Variants in SLMAP observed in about 807,000 individuals in gnomAD.
SLMAP encodes sarcolemmal membrane-associated protein.
SLMAP carries 44 observed loss-of-function variants against 128.8 expected under a neutral mutation model. The ratio of observed to expected loss-of-function variants is 0.34; its 90% CI spans 0.27 to 0.44. The LOEUF (loss-of-function observed/expected upper bound fraction) is 0.44, where lower values mean the gene tolerates loss of function less well. Among genes scored for constraint, SLMAP ranks in the 20% least tolerant of loss-of-function variants. SLMAP has a pLI of 1.00. For synonymous variants in SLMAP, 327 were observed against 348.8 expected (o/e 0.94, Z 0.70); for missense variants, 787 against 985.3 (o/e 0.80, Z 2.69).
At chr3:57,856,170 ACAT>A (rs766628164) in intron 6 of SLMAP, among the ~76,000 whole-genome samples, 1 of 151,940 alleles carries the variant, frequency 6.6e-6, no homozygotes, top group Non-Finnish European at 1.5e-5. Context: ...TCACTTAGTG[ACAT>A]CATCATGCAA....
At chr3:57,918,301 CTGT>C (rs2096852281) in intron 22 of SLMAP, 1 of 152,148 alleles carries the variant, frequency 6.6e-6, no homozygotes, top group Non-Finnish European at 1.5e-5. Context: ...GAAGATTATT[CTGT>C]TGTATGTTAC....
intron 21 of SLMAP, 55 bp from the exon 22 acceptor site, chr3:57,916,851 C>T: frequency 6.9e-7 from 1 of 1,449,734 alleles, no homozygotes; most frequent in Non-Finnish European, 9.6e-7. Context: ...ACTGGACTTC[C>T]TTCTGTGTCC....
chr3:57,849,150 A>G (rs900396449), intron 5 of SLMAP, among the ~76,000 whole-genome samples: 1 of 152,068 alleles, frequency 6.6e-6, no homozygotes. Context: ...CGGCCTTCCA[A>G]AGTGCTGGGA....
At chr3:57,840,904 A>G (rs549999909) in intron 3 of SLMAP, among the ~76,000 whole-genome samples, 3 of 152,240 alleles carry the variant, frequency 2.0e-5, no homozygotes, top group Non-Finnish European at 4.4e-5. Context: ...TTAGGTGTGT[A>G]ATAGGTTGGG....
intron 2 of SLMAP, among the ~76,000 whole-genome samples, chr3:57,785,410 C>A (rs2083885189): frequency 2.0e-5 from 3 of 152,116 alleles, no homozygotes; most frequent in Non-Finnish European, 4.4e-5. Flanking sequence ...TCTCTTAGGT[C>A]TTAGTGACCT....
chr3:57,876,924 A>G (rs2095617131), intron 14 of SLMAP, among the ~76,000 whole-genome samples: 2 of 152,186 alleles, frequency 1.3e-5, no homozygotes, highest in African/African-American at 4.8e-5. Context: ...GCCAGATGCC[A>G]GAGAAATTTT....
chr3:57,828,359 G>A (rs1180131055), intron 2 of SLMAP, among the ~76,000 whole-genome samples: 2 of 152,174 alleles, frequency 1.3e-5, no homozygotes, highest in African/African-American at 4.8e-5. Flanking sequence ...TTTACAGGAG[G>A]TACAGAATCT....
At chr3:57,869,630 T>TTATATATATATATATATATATATATATA (rs55916379) in intron 13 of SLMAP, among the ~76,000 whole-genome samples, 14 of 75,458 alleles carry the variant, frequency 1.9e-4, no homozygotes, top group East Asian at 8.1e-4. Context: ...CCCATCTCTA[T>TTATATATATATATATATATATATATATA]TATATATATA....
At chr3:57,854,004 CATATAATATATATTAT>C (rs2094636666) in intron 6 of SLMAP, among the ~76,000 whole-genome samples, 1 of 49,388 alleles carries the variant, frequency 2.0e-5, no homozygotes, top group South Asian at 6.4e-4. Context: ...TATATATTTA[CATATAATATATATTAT>C]ATATAATATA....
rs368398212 is a variant in SLMAP at position 57,883,199 on chromosome 3, G to A, written c.1301-6842G>A. ...AGAGATAGGAATAGAGGCTTAGTGA[G>A]GAGAGATTCCAAACATATTTAGGAG... On this transcript the variant is annotated intron_variant, in intron 14 of 24. Coordinates refer to ENST00000671191, the MANE Select transcript of SLMAP (RefSeq NM_001377540.1). Among the ~76,000 whole-genome samples, 4 of 152,282 alleles carry A rather than the reference G, an allele frequency of 2.6e-5. No individual in the cohort carries two copies. In the East Asian group the frequency reaches 5.8e-4, roughly 22 times the overall value.
At chr3:57,817,920 A>G (rs2153523981) in intron 2 of SLMAP, among the ~76,000 whole-genome samples, 1 of 152,340 alleles carries the variant, frequency 6.6e-6, no homozygotes, top group South Asian at 2.1e-4. Context: ...TATTCTTACC[A>G]TTGTGACTAT....
chr3:57,795,480 A>G (rs935898544), intron 2 of SLMAP, among the ~76,000 whole-genome samples: 4 of 152,218 alleles, frequency 2.6e-5, no homozygotes, highest in Non-Finnish European at 4.4e-5. Context: ...CAGAGGTTGC[A>G]GTGAGCTGAG....
intron 2 of SLMAP, 149 bp downstream of exon 2, chr3:57,757,998 G>T: frequency 1.5e-6 from 1 of 671,190 alleles, no homozygotes; most frequent in East Asian, 2.7e-5. Context: ...TTGTGTGCCT[G>T]GTTCTAGTGG....
intron 6 of SLMAP, among the ~76,000 whole-genome samples, chr3:57,852,851 C>T (rs2094556868): frequency 6.6e-6 from 1 of 152,182 alleles, no homozygotes; most frequent in Non-Finnish European, 1.5e-5. Flanking sequence ...GTGTCCTAAT[C>T]CTCTGCTGTT....
At chr3:57,891,469 A>G (rs1311650918) in intron 15 of SLMAP, among the ~76,000 whole-genome samples, 1 of 152,152 alleles carries the variant, frequency 6.6e-6, no homozygotes, top group African/African-American at 2.4e-5. Flanking sequence ...ATCACTTTAA[A>G]TATTTATCTT....
At chr3:57,787,540 A>C (rs2084481168) in intron 2 of SLMAP, among the ~76,000 whole-genome samples, 1 of 152,138 alleles carries the variant, frequency 6.6e-6, no homozygotes, top group South Asian at 2.1e-4. Context: ...GCAGTGGCGC[A>C]ATCTCCGCTC....
intron 2 of SLMAP, among the ~76,000 whole-genome samples, chr3:57,802,254 G>A (rs1388985125): frequency 6.6e-6 from 1 of 151,512 alleles, no homozygotes; most frequent in Non-Finnish European, 1.5e-5. Context: ...CCCAGCCTTA[G>A]GCAACTACTA....
intron 2 of SLMAP, among the ~76,000 whole-genome samples, chr3:57,828,523 G>A (rs917436406): frequency 3.9e-5 from 6 of 152,164 alleles, no homozygotes; most frequent in Non-Finnish European, 8.8e-5. Flanking sequence ...TAACTGAAAA[G>A]GATGCAGAAG....
intron 4 of SLMAP, among the ~76,000 whole-genome samples, chr3:57,846,425 G>T (rs2094253975): frequency 6.6e-6 from 1 of 151,990 alleles, no homozygotes; most frequent in Non-Finnish European, 1.5e-5. Context: ...GATTAAAGTT[G>T]TTCTTCACTG....
Sources: gnomAD v4.1 joint callset for allele counts (sites outside exome capture counted in the v4.1 genomes callset) on GRCh38, gnomAD v4.1.1 for gene constraint, MANE v1.5 for transcripts, NCBI Gene and HGNC (gene_info 2026-07-23, HGNC 2026-07-21) for gene names.